The following WWOX variants were observed in gnomAD, a reference collection of about 807,000 sequenced individuals.
WWOX encodes WW domain containing oxidoreductase, also known as WW domain-containing oxidoreductase.
In WWOX, 69 loss-of-function variants were observed where a neutral mutation model predicts 46.2. The observed-to-expected ratio is 1.49, with a 90% CI of 1.23 to 1.82. WWOX has a LOEUF of 1.82. Ranked by LOEUF, WWOX falls within the 40% of genes most tolerant of loss-of-function variation. The pLI is 0.00. For synonymous variants in WWOX, 359 were observed against 202.6 expected (o/e 1.77, Z -6.56); for missense variants, 919 against 542.6 (o/e 1.69, Z -6.89).
At chr16:79,152,123 A>G (rs899618789) in intron 8 of WWOX, among the ~76,000 whole-genome samples, 1 of 152,192 alleles carries the variant, frequency 6.6e-6, no homozygotes, top group African/African-American at 2.4e-5. Flanking sequence ...TTTCCTGTAG[A>G]GTAAAAGATA....
intron 8 of WWOX, among the ~76,000 whole-genome samples, chr16:78,924,329 A>C (rs1197124030): frequency 6.6e-6 from 1 of 152,146 alleles, no homozygotes; most frequent in Non-Finnish European, 1.5e-5. Flanking sequence ...GTTGCTTTTA[A>C]ACTTTGTTTG....
chr16:78,825,788 G>T, intron 8 of WWOX: 2 of 597,524 alleles, frequency 3.3e-6, no homozygotes, highest in African/African-American at 1.8e-5. Context: ...TGATGCTGTT[G>T]TGTGCCATGT....
chr16:78,349,960 C>T (rs1386440927), intron 5 of WWOX, among the ~76,000 whole-genome samples: 1 of 120,938 alleles, frequency 8.3e-6, no homozygotes, highest in African/African-American at 2.8e-5. Flanking sequence ...TTACCTAATG[C>T]CCATACCATA....
chr16:78,384,183 C>G (rs928856896), intron 5 of WWOX, among the ~76,000 whole-genome samples: 1 of 152,108 alleles, frequency 6.6e-6, no homozygotes, highest in Admixed American at 6.6e-5. Flanking sequence ...CTTGGCTGAG[C>G]AGAGCAATTT....
At chr16:78,951,129 A>C (rs2046051302) in intron 8 of WWOX, among the ~76,000 whole-genome samples, 1 of 152,208 alleles carries the variant, frequency 6.6e-6, no homozygotes, top group Non-Finnish European at 1.5e-5. Context: ...GCTTAGACCA[A>C]AGATGGGGAT....
intron 8 of WWOX, among the ~76,000 whole-genome samples, chr16:78,706,810 T>G (rs2048337183): frequency 6.6e-6 from 1 of 152,140 alleles, no homozygotes; most frequent in Non-Finnish European, 1.5e-5. Flanking sequence ...ACTACCTTTT[T>G]TTTTGGAGAC....
intron 5 of WWOX, among the ~76,000 whole-genome samples, chr16:78,303,900 A>G (rs2080087910): frequency 6.6e-6 from 1 of 152,050 alleles, no homozygotes; most frequent in African/African-American, 2.4e-5. Flanking sequence ...CCCCACTCCT[A>G]TTCTGGAAAG....
intron 8 of WWOX, among the ~76,000 whole-genome samples, chr16:78,832,030 A>T (rs144357565): frequency 6.6e-6 from 1 of 152,326 alleles, no homozygotes; most frequent in East Asian, 1.9e-4. Context: ...TTGCTGCCTA[A>T]CAAATTACCC....
intron 8 of WWOX, among the ~76,000 whole-genome samples, chr16:78,792,138 C>G (rs1461586534): frequency 6.6e-6 from 1 of 152,244 alleles, no homozygotes; most frequent in Admixed American, 6.5e-5. Flanking sequence ...TCACAAACCA[C>G]CATTAGACCT....
chr16:79,049,669 C>A (rs1355252661), intron 8 of WWOX, among the ~76,000 whole-genome samples: 1 of 152,020 alleles, frequency 6.6e-6, no homozygotes, highest in African/African-American at 2.4e-5. Context: ...AACCCCGTCT[C>A]TACTAAAAAT....
chr16:78,101,898 G>A (rs930274587), intron 1 of WWOX, among the ~76,000 whole-genome samples: 9 of 152,174 alleles, frequency 5.9e-5, no homozygotes, highest in African/African-American at 2.2e-4. Context: ...ATGTGTAGGA[G>A]CGTCCCCACG....
chr16:78,752,046 C>G (rs2049495810), intron 8 of WWOX, among the ~76,000 whole-genome samples: 2 of 152,130 alleles, frequency 1.3e-5, no homozygotes, highest in South Asian at 2.1e-4. Context: ...ACAAAATTCA[C>G]TCACAGAAGT....
intron 8 of WWOX, among the ~76,000 whole-genome samples, chr16:78,582,557 C>T (rs1009971932): frequency 6.6e-6 from 1 of 152,068 alleles, no homozygotes; most frequent in African/African-American, 2.4e-5. Context: ...ATGTGCAATC[C>T]TTGTGTTTCT....
intron 8 of WWOX, among the ~76,000 whole-genome samples, chr16:78,946,918 C>T (rs1238226824): frequency 2.0e-5 from 3 of 152,102 alleles, no homozygotes; most frequent in African/African-American, 4.8e-5. Flanking sequence ...AGGATAGTTT[C>T]CCTTCCTGGA....
intron 8 of WWOX, among the ~76,000 whole-genome samples, chr16:78,577,098 A>G (rs1354505759): frequency 6.6e-6 from 1 of 152,212 alleles, no homozygotes; most frequent in Admixed American, 6.5e-5. Flanking sequence ...ATTGGGGAAC[A>G]TTCTTCTCTT....
Position 78,490,825 on chromosome 16 carries a change from C to G in WWOX, c.1056+58073C>G, listed in dbSNP as rs1420715863. Among the ~76,000 whole-genome samples the G allele has an allele frequency of 2.6e-5, 4 of 152,288 alleles. No individual in the cohort carries two copies. In the East Asian group the frequency reaches 7.7e-4, roughly 29 times the overall value. On this transcript the variant is annotated intron_variant, in intron 8 of 8. Coordinates refer to ENST00000566780, the MANE Select transcript of WWOX (RefSeq NM_016373.4). ...CAGGCAGAGCAGTCCGTTACTTAGA[C>G]TAGGAAATGGCTCCGAGAAGCTCAC... is the stretch of plus-strand genomic sequence containing the variant.
chr16:78,931,581 A>C (rs1230618746), intron 8 of WWOX, among the ~76,000 whole-genome samples: 1 of 152,234 alleles, frequency 6.6e-6, no homozygotes, highest in African/African-American at 2.4e-5. Context: ...TGACCTTGAG[A>C]AACCTATAGT....
intron 6 of WWOX, among the ~76,000 whole-genome samples, chr16:78,414,214 C>T (rs1389834241): frequency 6.6e-6 from 1 of 152,044 alleles, no homozygotes; most frequent in African/African-American, 2.4e-5. Context: ...AACTGCCCTA[C>T]ACCTATTTCC....
intron 5 of WWOX, among the ~76,000 whole-genome samples, chr16:78,218,641 C>T (rs559708276): frequency 5.3e-5 from 8 of 152,272 alleles, no homozygotes; most frequent in East Asian, 1.9e-4. Flanking sequence ...AAGGTTTTAA[C>T]GTGTTCTCTA....
Sources: gnomAD v4.1 joint callset for allele counts (sites outside exome capture counted in the v4.1 genomes callset) on GRCh38, gnomAD v4.1.1 for gene constraint, MANE v1.5 for transcripts, NCBI Gene and HGNC (gene_info 2026-07-23, HGNC 2026-07-21) for gene names.